Variants in TANC1 observed in about 807,000 individuals in gnomAD.
TANC1 encodes the protein tetratricopeptide repeat, ankyrin repeat and coiled-coil containing 1.
TANC1 carries 77 observed loss-of-function variants against 149.7 expected under a neutral mutation model. The ratio of observed to expected loss-of-function variants is 0.51; its 90% CI spans 0.43 to 0.62. The LOEUF (loss-of-function observed/expected upper bound fraction) is 0.62. TANC1 is among the 20% of genes least tolerant of loss of function. The probability of loss-of-function intolerance (pLI) is 0.00; values close to 1 mark genes in which losing one functional copy is unlikely to be tolerated. For missense variants in TANC1, 1,985 were observed against 2,321.8 expected, an observed-to-expected ratio of 0.85 and a Z score of 2.98; for synonymous variants, 854 against 925.0, an observed-to-expected ratio of 0.92 and a Z score of 1.39.
At chr2:159,153,028 T>A (rs570456909) in intron 7 of TANC1, among the ~76,000 whole-genome samples, 1 of 152,288 alleles carries the variant, frequency 6.6e-6, no homozygotes, top group Admixed American at 6.5e-5. Flanking sequence ...AATATTCCCC[T>A]TCAGTGTATT....
At chr2:159,041,871 C>A (rs1328498042) in intron 2 of TANC1, among the ~76,000 whole-genome samples, 1 of 152,212 alleles carries the variant, frequency 6.6e-6, no homozygotes, top group Non-Finnish European at 1.5e-5. Context: ...CTGTGTCAGT[C>A]ACGCTGCGGG....
chr2:159,133,277 TC>T (rs995435160), intron 4 of TANC1, among the ~76,000 whole-genome samples: 2 of 151,842 alleles, frequency 1.3e-5, no homozygotes, highest in African/African-American at 4.8e-5. Flanking sequence ...TGTCAGCAGT[TC>T]ATTTTACCTT....
intron 2 of TANC1, among the ~76,000 whole-genome samples, chr2:159,047,923 C>T (rs1335773343): frequency 2.0e-5 from 3 of 152,172 alleles, no homozygotes; most frequent in Non-Finnish European, 4.4e-5. Flanking sequence ...TGTAATAATA[C>T]AACACATTAG....
At chr2:158,974,301 A>C (rs1240756517) in intron 1 of TANC1, among the ~76,000 whole-genome samples, 1 of 152,192 alleles carries the variant, frequency 6.6e-6, no homozygotes, top group Non-Finnish European at 1.5e-5. Flanking sequence ...CAACATTATA[A>C]CCATCCTTGA....
At chr2:159,135,950 C>T (rs1167204022) in intron 4 of TANC1, among the ~76,000 whole-genome samples, 1 of 151,592 alleles carries the variant, frequency 6.6e-6, no homozygotes, top group Admixed American at 6.6e-5. Context: ...TGAGCTTACT[C>T]TTTTCTTCTT....
intron 4 of TANC1, among the ~76,000 whole-genome samples, chr2:159,118,047 A>C (rs1407513237): frequency 6.6e-6 from 1 of 151,690 alleles, no homozygotes; most frequent in East Asian, 1.9e-4. Context: ...ATTAGACTGG[A>C]GTTACAGGTT....
intron 3 of TANC1, among the ~76,000 whole-genome samples, chr2:159,088,022 C>A (rs1346667375): frequency 6.6e-6 from 1 of 151,728 alleles, no homozygotes; most frequent in Non-Finnish European, 1.5e-5. Context: ...GAACTAGATT[C>A]TCCCCGAGAG....
At chr2:159,208,850 TG>T (rs2058800671) in intron 19 of TANC1, among the ~76,000 whole-genome samples, 3 of 152,352 alleles carry the variant, frequency 2.0e-5, no homozygotes, top group African/African-American at 7.2e-5. Context: ...AATCCTCCAG[TG>T]TACTTACACA....
At chr2:159,078,274 C>G (rs1428604225) in intron 3 of TANC1, among the ~76,000 whole-genome samples, 3 of 152,194 alleles carry the variant, frequency 2.0e-5, no homozygotes, top group African/African-American at 7.2e-5. Flanking sequence ...ATTTCTTACT[C>G]TCTCCTACCT....
intron 10 of TANC1, 52 bp downstream of exon 10, chr2:159,170,857 G>A (rs939162235): frequency 6.3e-7 from 1 of 1,576,572 alleles, no homozygotes; most frequent in East Asian, 2.3e-5. Context: ...GATAGATGGA[G>A]GAAATTGCTG....
At chr2:159,031,312 G>A (rs547420469) in intron 2 of TANC1, among the ~76,000 whole-genome samples, 2 of 152,208 alleles carry the variant, frequency 1.3e-5, no homozygotes, top group Non-Finnish European at 2.9e-5. Context: ...CAGCTGTGGG[G>A]AAGGAAGGGC....
intron 7 of TANC1, among the ~76,000 whole-genome samples, chr2:159,158,816 G>T (rs1421829594): frequency 1.3e-5 from 2 of 152,204 alleles, no homozygotes; most frequent in African/African-American, 4.8e-5. Flanking sequence ...AATGTCCATT[G>T]CCCAAAATGG....
Position 159,196,609 on chromosome 2 carries a change from T to G in TANC1, c.2981T>G (p.Val994Gly). 1 of 1,595,936 alleles carries G rather than the reference T, an allele frequency of 6.3e-7. No homozygotes were observed. The highest frequency in any genetic ancestry group is 1.1e-5 in the South Asian group (1 of 89,914). Residue 994 changes from valine (V) to glycine (G), a missense_variant and splice_region_variant, in exon 18 of 27, where the codon GTG becomes GGG. Transcript: ENST00000263635. Reference protein sequence around the residue: ...VCLLTKKGVRVDHLDKKGQCA... With the variant: ...VCLLTKKGVRGDHLDKKGQCA... ...ACCTTCCCCTACTCCTGCCCCCAGG[T>G]GGACCACTTGGATAAGAAGGGCCAG...
intron 2 of TANC1, among the ~76,000 whole-genome samples, chr2:159,065,110 G>A (rs1164164113): frequency 6.6e-6 from 1 of 152,206 alleles, no homozygotes; most frequent in Non-Finnish European, 1.5e-5. Context: ...GCTTCATGAT[G>A]AAATAATGGT....
At chr2:158,992,542 G>T (rs1221480641) in intron 1 of TANC1, among the ~76,000 whole-genome samples, 1 of 151,924 alleles carries the variant, frequency 6.6e-6, no homozygotes, top group Middle Eastern at 3.4e-3. Flanking sequence ...TTGCCCTGTC[G>T]CCCAGGCTGG....
At chr2:159,114,022 T>C (rs1559284573) in intron 4 of TANC1, among the ~76,000 whole-genome samples, 1 of 152,350 alleles carries the variant, frequency 6.6e-6, no homozygotes, top group East Asian at 1.9e-4. Context: ...CTTAATTGGT[T>C]TTCATTTCCT....
intron 2 of TANC1, among the ~76,000 whole-genome samples, chr2:159,062,541 G>T (rs2042306220): frequency 2.0e-5 from 3 of 152,198 alleles, no homozygotes; most frequent in Admixed American, 2.0e-4. Context: ...GAGCCTGCTG[G>T]CTGCCTACAC....
intron 19 of TANC1, among the ~76,000 whole-genome samples, chr2:159,209,822 C>G (rs1439978966): frequency 6.6e-6 from 1 of 152,170 alleles, no homozygotes; most frequent in Admixed American, 6.5e-5. Context: ...CACTGAGGGT[C>G]AAGCATCACT....
chr2:159,012,878 G>T (rs2037905278), intron 2 of TANC1, among the ~76,000 whole-genome samples: 1 of 152,096 alleles, frequency 6.6e-6, no homozygotes, highest in African/African-American at 2.4e-5. Flanking sequence ...GATGTAGGAG[G>T]CTACTCTTTC....
Sources: allele counts gnomAD v4.1 joint callset (sites outside exome capture counted in the v4.1 genomes callset), GRCh38; gene constraint gnomAD v4.1.1; transcripts MANE v1.5; gene names NCBI Gene and HGNC (gene_info 2026-07-23, HGNC 2026-07-21).